The following TINAG variants were observed in gnomAD, a reference collection of about 807,000 sequenced individuals.
TINAG encodes the protein tubulointerstitial nephritis antigen.
A neutral mutation model predicts 72.7 loss-of-function variants in TINAG; 83 were observed. The observed-to-expected ratio is 1.14, with a 90% CI of 0.96 to 1.37. The LOEUF (loss-of-function observed/expected upper bound fraction) is 1.37, where lower values mean the gene tolerates loss of function less well. Ranked by LOEUF, TINAG falls within the 40% of genes most tolerant of loss-of-function variation. The pLI, the probability that TINAG is intolerant of heterozygous loss-of-function variation, is 0.00. For synonymous variants in TINAG, 234 were observed against 189.9 expected (o/e 1.23, Z -1.91); for missense variants, 685 against 576.6 (o/e 1.19, Z -1.93).
At chr6:54,372,948 A>G (rs988880579) in intron 9 of TINAG, among the ~76,000 whole-genome samples, 1 of 150,836 alleles carries the variant, frequency 6.6e-6, no homozygotes, top group Non-Finnish European at 1.5e-5. Flanking sequence ...AGCCACAATA[A>G]AAAGGAAAGG....
chr6:54,324,392 T>A (rs1478546697), intron 3 of TINAG, among the ~76,000 whole-genome samples: 1 of 152,186 alleles, frequency 6.6e-6, no homozygotes, highest in East Asian at 1.9e-4. Context: ...CTTCTTCTCA[T>A]AATTATTATT....
chr6:54,321,510 G>C (rs1436711444), intron 3 of TINAG, 124 bp downstream of exon 3: 1 of 657,998 alleles, frequency 1.5e-6, no homozygotes, highest in Non-Finnish European at 2.6e-6. Context: ...AAATAGGAAG[G>C]GAGATAGAAA....
At chr6:54,368,527 T>C (rs1763506604) in intron 9 of TINAG, among the ~76,000 whole-genome samples, 1 of 151,072 alleles carries the variant, frequency 6.6e-6, no homozygotes, top group Admixed American at 6.6e-5. Flanking sequence ...ATGTACCTCT[T>C]CCTCACTCTT....
At chr6:54,341,611 G>A (rs963111790) in intron 4 of TINAG, among the ~76,000 whole-genome samples, 1 of 152,066 alleles carries the variant, frequency 6.6e-6, no homozygotes, top group Admixed American at 6.6e-5. Context: ...ACCTTTTCAA[G>A]CAGACTTGTA....
intron 4 of TINAG, among the ~76,000 whole-genome samples, chr6:54,339,586 A>C (rs1784949935): frequency 6.6e-6 from 1 of 152,130 alleles, no homozygotes. Context: ...GGGCAATTAC[A>C]TTACATATTG....
intron 10 of TINAG, among the ~76,000 whole-genome samples, chr6:54,381,047 C>T (rs563031810): frequency 3.0e-4 from 44 of 145,338 alleles, no homozygotes; most frequent in African/African-American, 1.1e-3. Flanking sequence ...ATGTTAGTAT[C>T]ATATATATAT....
chr6:54,310,163 G>A lies in TINAG; in HGVS notation c.355+1258G>A, dbSNP rs112110728. Among the ~76,000 whole-genome samples the A allele has an allele frequency of 4.8e-3, 719 of 148,588 alleles. 6 individuals carry two copies. The highest frequency in any genetic ancestry group is 0.017 in the African/African-American group (692 of 40,304). ...AGTGGCAGGATCATGGCTCACTGCA[G>A]CCTCTAACTCCTGAGCTCAAACAAT... is the stretch of plus-strand genomic sequence containing the variant. On this transcript the variant is annotated intron_variant, in intron 1 of 10. Coordinates refer to ENST00000259782, the MANE Select transcript of TINAG (RefSeq NM_014464.4).
At chr6:54,345,422 G>T (rs1322905600) in intron 5 of TINAG, among the ~76,000 whole-genome samples, 1 of 152,074 alleles carries the variant, frequency 6.6e-6, no homozygotes, top group Non-Finnish European at 1.5e-5. Context: ...TATAAACGAG[G>T]CCCAAATAGG....
chr6:54,341,999 A>C (rs1275296698), intron 4 of TINAG, among the ~76,000 whole-genome samples: 1 of 152,184 alleles, frequency 6.6e-6, no homozygotes, highest in Admixed American at 6.5e-5. Context: ...GACAAAATAA[A>C]ATAATGAGTA....
intron 9 of TINAG, among the ~76,000 whole-genome samples, chr6:54,377,377 T>A (rs1763812492): frequency 6.6e-6 from 1 of 152,140 alleles, no homozygotes; most frequent in Non-Finnish European, 1.5e-5. Context: ...CTGAGCACAG[T>A]GGCACATGCT....
chr6:54,388,747 C>T (rs931122685), intron 10 of TINAG, among the ~76,000 whole-genome samples: 3 of 152,026 alleles, frequency 2.0e-5, no homozygotes, highest in Admixed American at 2.0e-4. Flanking sequence ...AGCTTTTAAC[C>T]CAGGAGTCAT....
At chr6:54,352,782 T>A (rs1284867097) in intron 8 of TINAG, among the ~76,000 whole-genome samples, 2 of 151,752 alleles carry the variant, frequency 1.3e-5, no homozygotes, top group Non-Finnish European at 3.0e-5. Context: ...AATTTTGAAT[T>A]GTAATTATTT....
chr6:54,318,758 G>T (rs1272459624), intron 1 of TINAG, among the ~76,000 whole-genome samples: 2 of 152,148 alleles, frequency 1.3e-5, no homozygotes, highest in African/African-American at 4.8e-5. Flanking sequence ...AGTTGGGAAG[G>T]ATTGTAGCAA....
At chr6:54,374,193 A>T (rs1763713903) in intron 9 of TINAG, among the ~76,000 whole-genome samples, 1 of 152,148 alleles carries the variant, frequency 6.6e-6, no homozygotes, top group Non-Finnish European at 1.5e-5. Context: ...TAGGCATTGT[A>T]TAAAGCTGTT....
intron 3 of TINAG, among the ~76,000 whole-genome samples, chr6:54,322,869 T>A (rs1355790064): frequency 6.6e-6 from 1 of 152,246 alleles, no homozygotes; most frequent in East Asian, 1.9e-4. Context: ...TGAGAGTATA[T>A]GTCATCTTGA....
chr6:54,343,235 C>T lies in TINAG; in HGVS notation c.634C>T (p.Pro212Ser), dbSNP rs779934723. The stretch of plus-strand genomic sequence containing the variant: ...TCTTCTTCCTCTTTAGGCTTCTTTA[C>T]CTGCAACAACTGATCTTCCAGAGTT... ...LSMNEMTASL[P>S]ATTDLPEFFV... is the part of the protein sequence containing the mutation. The change falls in exon 5 of 11, where the codon CCT becomes TCT. Residue 212 changes from proline (P) to serine (S), a missense_variant. By Grantham distance (74) the Pro-to-Ser change is moderately conservative. Coordinates refer to ENST00000259782, the MANE Select transcript of TINAG (RefSeq NM_014464.4). The T allele has an allele frequency of 1.3e-6, 2 of 1,563,018 alleles. No homozygotes were observed. The highest frequency in any genetic ancestry group is 1.4e-5 in the African/African-American group (1 of 73,174).
rs182088328 is a variant in TINAG at position 54,379,846 on chromosome 6, A to G, written c.1251-680A>G. On this transcript the variant is annotated intron_variant, in intron 9 of 10. Transcript: ENST00000259782. ...TGTAGAACGTGCAGGTTTGTTATATAGGTATACACGTGCCATGGTGGTTTG... is the reference window on the plus strand; with the variant it reads ...TGTAGAACGTGCAGGTTTGTTATATGGGTATACACGTGCCATGGTGGTTTG... Among the ~76,000 whole-genome samples the G allele has an allele frequency of 3.6e-4, 54 of 151,994 alleles. 1 individual carries two copies. The East Asian group carries it at 9.9e-3, about 28-fold the overall frequency.
intron 1 of TINAG, among the ~76,000 whole-genome samples, chr6:54,314,083 A>T (rs1303029851): frequency 6.6e-6 from 1 of 152,214 alleles, no homozygotes; most frequent in Non-Finnish European, 1.5e-5. Flanking sequence ...CTTGTATGCC[A>T]CATGTGGACA....
At chr6:54,329,849 A>G (rs184747770) in intron 4 of TINAG, among the ~76,000 whole-genome samples, 1 of 152,296 alleles carries the variant, frequency 6.6e-6, no homozygotes, top group East Asian at 1.9e-4. Flanking sequence ...CAGAATTTAA[A>G]CAAAGAAAGA....
Sources: gnomAD v4.1 joint callset for allele counts (sites outside exome capture counted in the v4.1 genomes callset) on GRCh38, gnomAD v4.1.1 for gene constraint, MANE v1.5 for transcripts, NCBI Gene and HGNC (gene_info 2026-07-23, HGNC 2026-07-21) for gene names.